The following CCSER1 variants were observed in gnomAD, a reference collection of about 807,000 sequenced individuals.
CCSER1 encodes coiled-coil serine rich protein 1.
Under a neutral mutation model 82.0 loss-of-function variants are expected in CCSER1, and 41 were observed. That is an observed-to-expected ratio of 0.50 (90% CI 0.39 to 0.65). CCSER1 has a LOEUF of 0.65. CCSER1 is among the 30% of genes least tolerant of loss of function. The probability of loss-of-function intolerance (pLI) is 0.00; values close to 1 mark genes in which losing one functional copy is unlikely to be tolerated. For missense variants in CCSER1, 1,119 were observed against 1,064.2 expected (o/e 1.05, Z -0.72); for synonymous variants, 414 against 383.9 (o/e 1.08, Z -0.92).
chr4:91,596,561 C>G (rs970835706), intron 10 of CCSER1, among the ~76,000 whole-genome samples: 23 of 151,932 alleles, frequency 1.5e-4, no homozygotes, highest in African/African-American at 5.3e-4. Flanking sequence ...AAGAAAAGAT[C>G]ACATTTCTAA....
chr4:90,260,618 A>G (rs1010338171), intron 1 of CCSER1, among the ~76,000 whole-genome samples: 7 of 152,060 alleles, frequency 4.6e-5, no homozygotes, highest in Non-Finnish European at 8.8e-5. Context: ...ATCTTTTTCT[A>G]TCCCTTTGAC....
chr4:90,825,762 G>A (rs1455088153), intron 8 of CCSER1, among the ~76,000 whole-genome samples: 2 of 136,328 alleles, frequency 1.5e-5, no homozygotes, highest in Non-Finnish European at 3.1e-5. Context: ...ATGGAGTCTC[G>A]CTCTGTCACC....
At chr4:90,856,115 A>G (rs888497003) in intron 8 of CCSER1, among the ~76,000 whole-genome samples, 3 of 152,114 alleles carry the variant, frequency 2.0e-5, no homozygotes, top group Admixed American at 1.3e-4. Flanking sequence ...CAATTTGGTT[A>G]TTCCCCCCAT....
chr4:90,437,609 T>C (rs1301843784), intron 4 of CCSER1, among the ~76,000 whole-genome samples: 1 of 152,184 alleles, frequency 6.6e-6, no homozygotes, highest in East Asian at 1.9e-4. Context: ...ATGCATATAA[T>C]GTGGTCAGCA....
At chr4:91,185,671 G>A (rs1429121695) in intron 10 of CCSER1, among the ~76,000 whole-genome samples, 2 of 152,212 alleles carry the variant, frequency 1.3e-5, no homozygotes, top group Admixed American at 1.3e-4. Context: ...AACTTAGGGT[G>A]ACATTGATTA....
chr4:90,775,473 G>A (rs922428180), intron 7 of CCSER1, among the ~76,000 whole-genome samples: 9 of 152,158 alleles, frequency 5.9e-5, no homozygotes, highest in African/African-American at 2.2e-4. Context: ...AACTACAAAT[G>A]TGAATAGTAA....
chr4:91,250,861 A>G, intron 10 of CCSER1, among the ~76,000 whole-genome samples: 1 of 152,158 alleles, frequency 6.6e-6, no homozygotes, highest in East Asian at 1.9e-4. Flanking sequence ...GGAAATATCA[A>G]GTAAACCACC....
intron 10 of CCSER1, among the ~76,000 whole-genome samples, chr4:91,561,080 C>T (rs888885119): frequency 6.6e-6 from 1 of 151,384 alleles, no homozygotes; most frequent in African/African-American, 2.4e-5. Flanking sequence ...CTCTCCTAAC[C>T]TATAACAATA....
chr4:91,231,842 G>A (rs771835271), intron 10 of CCSER1, among the ~76,000 whole-genome samples: 1 of 151,780 alleles, frequency 6.6e-6, no homozygotes, highest in Admixed American at 6.6e-5. Flanking sequence ...ATATACTTCA[G>A]TAGGAGACCA....
intron 1 of CCSER1, among the ~76,000 whole-genome samples, chr4:90,196,899 T>C (rs374579722): frequency 2.3e-4 from 35 of 152,110 alleles, no homozygotes; most frequent in East Asian, 1.7e-3. Context: ...CATCAAGCCA[T>C]CAGTTTTCCT....
intron 10 of CCSER1, among the ~76,000 whole-genome samples, chr4:91,311,959 A>G (rs749298659): frequency 2.6e-5 from 4 of 151,912 alleles, no homozygotes; most frequent in Non-Finnish European, 5.9e-5. Flanking sequence ...ACTCCTGTCT[A>G]ACAGGACTAA....
chr4:90,226,990 A>G (rs1332272633), intron 1 of CCSER1, among the ~76,000 whole-genome samples: 1 of 152,202 alleles, frequency 6.6e-6, no homozygotes, highest in African/African-American at 2.4e-5. Flanking sequence ...TTTTTATTGC[A>G]TTCCCTGCAT....
intron 1 of CCSER1, among the ~76,000 whole-genome samples, chr4:90,230,734 TAAAG>T: frequency 6.7e-6 from 1 of 148,494 alleles, no homozygotes; most frequent in South Asian, 2.2e-4. Flanking sequence ...GCAAGACTAA[TAAAG>T]AAAAAAAGAG....
chr4:90,517,007 T>A (rs1014822602), intron 5 of CCSER1, among the ~76,000 whole-genome samples: 1 of 152,090 alleles, frequency 6.6e-6, no homozygotes, highest in African/African-American at 2.4e-5. Context: ...TGGGGTTACA[T>A]CCCATAAAGC....
chr4:91,393,948 C>G (rs1374115801), intron 10 of CCSER1, among the ~76,000 whole-genome samples: 1 of 152,060 alleles, frequency 6.6e-6, no homozygotes, highest in Non-Finnish European at 1.5e-5. Context: ...CCTCCCATTA[C>G]TTTTCTTTCT....
intron 6 of CCSER1, among the ~76,000 whole-genome samples, chr4:90,720,148 T>TG (rs1742415132): frequency 6.6e-6 from 1 of 152,162 alleles, no homozygotes; most frequent in Admixed American, 6.6e-5. Flanking sequence ...GGCATACCCC[T>TG]GTTCTTTTGT....
At chr4:91,265,947 A>G in intron 10 of CCSER1, among the ~76,000 whole-genome samples, 1 of 152,128 alleles carries the variant, frequency 6.6e-6, no homozygotes, top group African/African-American at 2.4e-5. Context: ...GGAAGGCAAA[A>G]GGCACTTCTT....
chr4:91,415,226 GT>G (rs1753284007), intron 10 of CCSER1, among the ~76,000 whole-genome samples: 1 of 152,054 alleles, frequency 6.6e-6, no homozygotes, highest in Non-Finnish European at 1.5e-5. Context: ...TTGTTGATGT[GT>G]ATGAATGCTA....
intron 5 of CCSER1, among the ~76,000 whole-genome samples, chr4:90,625,141 G>A (rs541592928): frequency 3.9e-5 from 6 of 152,242 alleles, no homozygotes; most frequent in African/African-American, 1.4e-4. Flanking sequence ...AGTGAACCCT[G>A]CTAAATGCAA....
Sources: gnomAD v4.1 joint callset for allele counts (sites outside exome capture counted in the v4.1 genomes callset) on GRCh38, gnomAD v4.1.1 for gene constraint, MANE v1.5 for transcripts, NCBI Gene and HGNC (gene_info 2026-07-23, HGNC 2026-07-21) for gene names.